Variants in RBFOX1 observed in about 807,000 individuals in gnomAD.
The protein encoded by RBFOX1 is RNA binding protein fox-1 homolog 1.
A neutral mutation model predicts 57.7 loss-of-function variants in RBFOX1; 8 were observed. The observed-to-expected ratio is 0.14, with a 90% CI of 0.08 to 0.25. The LOEUF (loss-of-function observed/expected upper bound fraction) is 0.25, where lower values mean the gene tolerates loss of function less well. Among genes scored for constraint, RBFOX1 ranks in the 10% least tolerant of loss-of-function variants. The pLI is 1.00. For missense variants in RBFOX1, 611 were observed against 548.5 expected (o/e 1.11, Z -1.14); for synonymous variants, 326 against 222.4 (o/e 1.47, Z -4.15).
At chr16:6,192,499 T>C (rs1344467) in intron 1 of RBFOX1, among the ~76,000 whole-genome samples, 147,530 of 152,098 alleles carry the variant, frequency 0.97, 71,710 homozygotes, top group East Asian at 1. Context: ...AACACCCCCA[T>C]ACACATGCAC....
rs113145137 is a variant in RBFOX1, at chr16:7,281,020, C to T, written c.27+228922C>T. On this transcript the variant is annotated intron_variant, in intron 4 of 15. Coordinates refer to ENST00000550418, the MANE Select transcript of RBFOX1 (RefSeq NM_018723.4). The stretch of plus-strand genomic sequence containing the variant: ...CCTTCCTTCCTTCCTTCCTTCCTTC[C>T]GAGACAGAGTGAGTCTCCTTCACCC... 2.5e-4 allele frequency among the ~76,000 whole-genome samples: 29 copies of T among 114,810 alleles called. 1 individual carries two copies. In the East Asian group the frequency reaches 2.6e-3, roughly 10 times the overall value. The allele number at this position is 114,810 out of a possible 152,430, so 75.3% of individuals were successfully genotyped here. A position where few individuals can be genotyped will look rare whatever the true frequency, so the allele number is the denominator to read the frequency against.
intron 2 of RBFOX1, among the ~76,000 whole-genome samples, chr16:5,563,695 T>C (rs535056104): frequency 6.6e-6 from 1 of 152,334 alleles, no homozygotes; most frequent in East Asian, 1.9e-4. Context: ...ATAATTCATA[T>C]GATATACAAT....
intron 3 of RBFOX1, among the ~76,000 whole-genome samples, chr16:5,763,525 T>G (rs1031563104): frequency 6.6e-6 from 1 of 152,260 alleles, no homozygotes; most frequent in Non-Finnish European, 1.5e-5. Context: ...TTACCTTTCC[T>G]TATCCCCATA....
intron 4 of RBFOX1, among the ~76,000 whole-genome samples, chr16:7,476,447 A>G (rs548107730): frequency 1.2e-4 from 19 of 152,348 alleles, no homozygotes; most frequent in African/African-American, 4.6e-4. Context: ...ATCACTTAAT[A>G]AATGTTGGTT....
At chr16:6,863,040 C>T (rs1006211721) in intron 3 of RBFOX1, among the ~76,000 whole-genome samples, 3 of 151,604 alleles carry the variant, frequency 2.0e-5, no homozygotes, top group South Asian at 4.2e-4. Flanking sequence ...TTGCAGAGTC[C>T]TTCTAAGGTG....
intron 2 of RBFOX1, among the ~76,000 whole-genome samples, chr16:5,495,186 A>G (rs2042962707): frequency 6.6e-6 from 1 of 152,180 alleles, no homozygotes; most frequent in Admixed American, 6.5e-5. Flanking sequence ...AGATCAGGAG[A>G]TCTAAGGTGT....
chr16:6,593,424 C>A (rs767434553), intron 2 of RBFOX1, among the ~76,000 whole-genome samples: 30 of 152,084 alleles, frequency 2.0e-4, no homozygotes, highest in Non-Finnish European at 3.5e-4. Context: ...TCCTGATGCC[C>A]CAAGAGGAAA....
At chr16:7,415,238 AG>A (rs2098467030) in intron 4 of RBFOX1, among the ~76,000 whole-genome samples, 1 of 152,198 alleles carries the variant, frequency 6.6e-6, no homozygotes, top group Admixed American at 6.5e-5. Context: ...TGGGGTATTA[AG>A]GTTTTCTCAG....
At chr16:5,395,307 C>G (rs1176189147) in intron 1 of RBFOX1, among the ~76,000 whole-genome samples, 1 of 152,244 alleles carries the variant, frequency 6.6e-6, no homozygotes, top group Non-Finnish European at 1.5e-5. Flanking sequence ...GCTCTTCGTA[C>G]ATTCTTCTGT....
intron 4 of RBFOX1, among the ~76,000 whole-genome samples, chr16:7,182,342 A>T (rs570401618): frequency 6.6e-6 from 1 of 152,198 alleles, no homozygotes; most frequent in South Asian, 2.1e-4. Flanking sequence ...AAAAAGTAAA[A>T]AGCATCTTCC....
chr16:6,132,007 T>C, intron 1 of RBFOX1, among the ~76,000 whole-genome samples: 1 of 152,234 alleles, frequency 6.6e-6, no homozygotes, highest in East Asian at 1.9e-4. Flanking sequence ...TTTAATTAGC[T>C]TTTAGGAGCA....
At chr16:5,420,947 G>C (rs1240183282) in intron 1 of RBFOX1, among the ~76,000 whole-genome samples, 1 of 110,886 alleles carries the variant, frequency 9.0e-6, no homozygotes, top group Non-Finnish European at 1.8e-5. Context: ...CCTTCCTCCT[G>C]CTTTTCCTCC....
At chr16:6,236,934 A>T (rs1420504425) in intron 1 of RBFOX1, among the ~76,000 whole-genome samples, 6 of 152,150 alleles carry the variant, frequency 3.9e-5, no homozygotes, top group Non-Finnish European at 7.3e-5. Context: ...TACCATGGAG[A>T]TTACAACTCA....
chr16:7,028,113 T>A lies in RBFOX1; in HGVS notation c.-15-23944T>A, dbSNP rs569315392. 1.1e-3 allele frequency among the ~76,000 whole-genome samples: 172 copies of A among 152,212 alleles called. 3 individuals carry two copies. In the South Asian group the frequency reaches 0.035, roughly 31 times the overall value. On this transcript the variant is annotated intron_variant, in intron 3 of 15. Transcript: ENST00000550418. ...TGCCTGTTACTTGGCACAGTTTGAC[T>A]GCCTAGAAGCCTGCAGAAATATTGG... is the stretch of plus-strand genomic sequence containing the variant.
chr16:6,961,145 C>CTCACACACACACACACACA, intron 3 of RBFOX1, among the ~76,000 whole-genome samples: 1 of 143,772 alleles, frequency 7.0e-6, no homozygotes, highest in East Asian at 2.0e-4. Context: ...TCACACACAC[C>CTCACACACACACACACACA]CACACAGACA....
At chr16:6,196,131 A>G (rs538857057) in intron 1 of RBFOX1, among the ~76,000 whole-genome samples, 1 of 152,344 alleles carries the variant, frequency 6.6e-6, no homozygotes, top group East Asian at 1.9e-4. Context: ...AGTGCTTCAA[A>G]TAGTTCTACA....
intron 3 of RBFOX1, among the ~76,000 whole-genome samples, chr16:5,801,334 C>CT (rs2055048538): frequency 2.7e-5 from 4 of 148,136 alleles, no homozygotes; most frequent in East Asian, 2.0e-4. Context: ...TCTCTCCCTC[C>CT]CTCTCTCTTT....
At chr16:5,666,321 G>A (rs1178427470) in intron 3 of RBFOX1, among the ~76,000 whole-genome samples, 3 of 152,156 alleles carry the variant, frequency 2.0e-5, no homozygotes, top group Non-Finnish European at 4.4e-5. Context: ...ATTGGTACTC[G>A]TGAAGCAATG....
At chr16:5,797,279 G>A (rs368681372) in intron 3 of RBFOX1, among the ~76,000 whole-genome samples, 10 of 152,194 alleles carry the variant, frequency 6.6e-5, no homozygotes, top group South Asian at 4.1e-4. Context: ...CATCAATGGT[G>A]TAGACTTTCA....
Sources: allele counts gnomAD v4.1 joint callset (sites outside exome capture counted in the v4.1 genomes callset), GRCh38; gene constraint gnomAD v4.1.1; transcripts MANE v1.5; gene names NCBI Gene and HGNC (gene_info 2026-07-23, HGNC 2026-07-21).